The following PCDHGA3 variants were observed in gnomAD, a reference collection of about 807,000 sequenced individuals.
The protein encoded by PCDHGA3 is protocadherin gamma subfamily A, 3.
In PCDHGA3, 40 loss-of-function variants were observed where a neutral mutation model predicts 58.5. The ratio of observed to expected loss-of-function variants is 0.68; its 90% CI spans 0.53 to 0.89. The LOEUF is 0.89. PCDHGA3 is among the 40% of genes least tolerant of loss of function. The probability of loss-of-function intolerance (pLI) is 0.00; values close to 1 mark genes in which losing one functional copy is unlikely to be tolerated. For synonymous variants in PCDHGA3, 530 were observed against 525.7 expected, an observed-to-expected ratio of 1.01 and a Z score of -0.11; for missense variants, 1,223 against 1,195.9, an observed-to-expected ratio of 1.02 and a Z score of -0.33.
chr5:141,351,353 A>G (rs1369493979), intron 1 of PCDHGA3: 7 of 1,613,362 alleles, frequency 4.3e-6, no homozygotes, highest in East Asian at 2.2e-5. Context: ...AATAGCCCTC[A>G]TAAAAGTGCG....
rs1348785166 is a variant in PCDHGA3, at chr5:141,431,381, C to T, written c.2425-63426C>T. On this transcript the variant is annotated intron_variant, in intron 1 of 3. Coordinates refer to ENST00000253812, the MANE Select transcript of PCDHGA3 (RefSeq NM_018916.4). The surrounding 1 kb of genome is among the most constrained non-coding windows in gnomAD (Gnocchi z 4.8). Reference sequence around the variant, plus strand: ...CCTGGACCGCGAAGAAAAGGCTGCTCACCACCTGGTCCTTACGGCCTCCGA... The same window carrying T: ...CCTGGACCGCGAAGAAAAGGCTGCTTACCACCTGGTCCTTACGGCCTCCGA... 1.2e-6 allele frequency: 2 copies of T among 1,613,940 alleles called. No homozygotes were observed. Among genetic ancestry groups the T allele is most frequent in the Non-Finnish European group, 1.7e-6 (2 of 1,180,042 alleles).
chr5:141,393,080 G>A (rs747012880), intron 1 of PCDHGA3: 1 of 1,613,694 alleles, frequency 6.2e-7, no homozygotes, highest in Non-Finnish European at 8.5e-7. Flanking sequence ...CCGCGGGCAG[G>A]ATAGATCGGG....
chr5:141,478,445 G>C (rs773567457), intron 1 of PCDHGA3: 1 of 1,613,570 alleles, frequency 6.2e-7, no homozygotes, highest in Non-Finnish European at 8.5e-7. Flanking sequence ...GAAGAAACCT[G>C]GTGCAGCCAG....
rs996353495 is a variant in PCDHGA3, at chr5:141,485,101, T to G, written c.2425-9706T>G. 12 of 1,158,090 alleles carry G rather than the reference T, an allele frequency of 1.0e-5. No individual in the cohort carries two copies. Among genetic ancestry groups the G allele is most frequent in the Non-Finnish European group, 1.4e-5 (11 of 786,830 alleles). The allele number at this position is 1,158,090 out of a possible 1,614,324, so 71.7% of individuals were successfully genotyped here. ...GGAAAGGGAGATAGGTGTCTCCAGC[T>G]GCTGTGGCTGTTTGGGGCGGGTCGG... On this transcript the variant is annotated intron_variant, in intron 1 of 3. Transcript: ENST00000253812. This position sits in a 1 kb window ranked among gnomAD's most constrained non-coding sequence, Gnocchi z 5.7.
intron 1 of PCDHGA3, chr5:141,416,429 G>A (rs952059043): frequency 1.3e-5 from 2 of 152,144 alleles, no homozygotes; most frequent in African/African-American, 4.8e-5. Flanking sequence ...AGTGACTAAG[G>A]CTGAAAGTAA....
At position 141,489,503 on chromosome 5, in the gene PCDHGA3, A is replaced by T; in HGVS notation, c.2425-5304A>T. 1 of 1,614,092 alleles carries T rather than the reference A, an allele frequency of 6.2e-7. No homozygotes were observed. ...ATGAGTGGTGCCCTGGCAGTGAATC[A>T]AAAGATTGACCGAGAAAGCCTATGT... is the stretch of plus-strand genomic sequence containing the variant. On this transcript the variant is annotated intron_variant, in intron 1 of 3. Transcript: ENST00000253812. The surrounding 1 kb of genome is among the most constrained non-coding windows in gnomAD (Gnocchi z 4.5).
At position 141,431,823 on chromosome 5, in the gene PCDHGA3, CG is replaced by C. The variant is rs754257436; in HGVS notation, c.2425-62982del. ...GTGGTCCTCACCTCTCTCGCCAGCTCGGTTCCCGAAAACTCTCCCAGAGGGA... is the reference window on the plus strand; with the variant it reads ...GTGGTCCTCACCTCTCTCGCCAGCTCGTTCCCGAAAACTCTCCCAGAGGGA... On this transcript the variant is annotated intron_variant, in intron 1 of 3. Transcript: ENST00000253812. The surrounding 1 kb of genome is among the most constrained non-coding windows in gnomAD (Gnocchi z 4.8). 2.5e-6 allele frequency: 4 copies of C among 1,614,142 alleles called. No homozygotes were observed. In the East Asian group the frequency reaches 8.9e-5, roughly 36 times the overall value.
Position 141,431,297 on chromosome 5 carries a change from C to G in PCDHGA3, c.2425-63510C>G. Reference sequence around the variant, plus strand: ...GCTCAGCCCGAACACTCACTTCTCCCTCATCGTGCAAAATGGAGCCGACGG... The same window carrying G: ...GCTCAGCCCGAACACTCACTTCTCCGTCATCGTGCAAAATGGAGCCGACGG... On this transcript the variant is annotated intron_variant, in intron 1 of 3. Transcript: ENST00000253812. The surrounding 1 kb of genome is among the most constrained non-coding windows in gnomAD (Gnocchi z 4.8). The G allele has an allele frequency of 6.2e-7, 1 of 1,614,126 alleles. No individual in the cohort carries two copies. The highest frequency in any genetic ancestry group is 8.5e-7 in the Non-Finnish European group (1 of 1,180,036).
intron 1 of PCDHGA3, among the ~76,000 whole-genome samples, chr5:141,444,372 T>C (rs967151811): frequency 6.6e-6 from 1 of 151,998 alleles, no homozygotes. Context: ...GGTTTCTCCA[T>C]GTTGGTCAGG....
intron 2 of PCDHGA3, among the ~76,000 whole-genome samples, chr5:141,501,009 C>T (rs2099804715): frequency 2.0e-5 from 3 of 152,040 alleles, no homozygotes; most frequent in Non-Finnish European, 4.4e-5. Context: ...GCTGGGACTA[C>T]AGGCACGCGC....
rs538762155 is a variant in PCDHGA3 at position 141,345,469 on chromosome 5, C to A, written c.1436C>A (p.Pro479Gln). The A allele has an allele frequency of 2.5e-6, 4 of 1,614,122 alleles. No individual in the cohort carries two copies. The East Asian group carries it at 6.7e-5, about 27-fold the overall frequency. Reference sequence around the variant, plus strand: ...ATCTTCTCAGTGACAGCCCAGGACCCAGATAGCAACAACAACGCCCGCATC... The same window carrying A: ...ATCTTCTCAGTGACAGCCCAGGACCAAGATAGCAACAACAACGCCCGCATC... ...ASIFSVTAQD[P>Q]DSNNNARITY... Residue 479 changes from proline to glutamine, a missense_variant, in exon 1 of 4, where the codon CCA (proline) becomes CAA (glutamine). Coordinates refer to ENST00000253812, the MANE Select transcript of PCDHGA3 (RefSeq NM_018916.4).
intron 1 of PCDHGA3, chr5:141,393,012 G>T: frequency 1.9e-6 from 3 of 1,613,842 alleles, no homozygotes; most frequent in Non-Finnish European, 2.5e-6. Context: ...AGTCCGTATC[G>T]TCTCCAGAGG....
At chr5:141,484,050 C>T (rs1262678828) in intron 1 of PCDHGA3, among the ~76,000 whole-genome samples, 1 of 151,984 alleles carries the variant, frequency 6.6e-6, no homozygotes, top group Non-Finnish European at 1.5e-5. Flanking sequence ...CAAGAGGTCC[C>T]CTGGGGCTAA....
chr5:141,440,181 G>A (rs1419736461), intron 1 of PCDHGA3: 7 of 152,312 alleles, frequency 4.6e-5, no homozygotes, highest in Non-Finnish European at 8.8e-5. Context: ...CTTTGAAATA[G>A]TTGAAGGCCA....
intron 2 of PCDHGA3, among the ~76,000 whole-genome samples, chr5:141,501,279 A>T (rs1180397181): frequency 3.0e-5 from 4 of 135,444 alleles, no homozygotes. Context: ...AGTCTATGGG[A>T]TATTCCCTTA....
chr5:141,421,402 G>A (rs2096569907), intron 1 of PCDHGA3: 1 of 1,614,076 alleles, frequency 6.2e-7, no homozygotes, highest in Non-Finnish European at 8.5e-7. Context: ...GGAGCCCCGG[G>A]AGCTGGCGAA....
intron 1 of PCDHGA3, chr5:141,393,160 T>A: frequency 6.2e-7 from 1 of 1,613,204 alleles, no homozygotes; most frequent in Non-Finnish European, 8.5e-7. Context: ...AAAGGAAAAC[T>A]CTTTGGGGTA....
At chr5:141,488,687 GA>G (rs1238909682) in intron 1 of PCDHGA3, among the ~76,000 whole-genome samples, 1 of 152,192 alleles carries the variant, frequency 6.6e-6, no homozygotes, top group East Asian at 1.9e-4. Flanking sequence ...GCCTCTCCCA[GA>G]AGGACAAGAT....
chr5:141,382,757 C>T, intron 1 of PCDHGA3: 2 of 657,638 alleles, frequency 3.0e-6, no homozygotes, highest in East Asian at 2.7e-5. Flanking sequence ...GCGATAAGCC[C>T]TCTTCCAGGC....
Sources: allele counts gnomAD v4.1 joint callset (sites outside exome capture counted in the v4.1 genomes callset), GRCh38; gene constraint gnomAD v4.1.1; non-coding constraint Gnocchi (gnomAD v3.1); transcripts MANE v1.5; gene names NCBI Gene and HGNC (gene_info 2026-07-23, HGNC 2026-07-21).